The following NFIB variants were observed in gnomAD, a reference collection of about 807,000 sequenced individuals.
NFIB encodes nuclear factor 1 B-type.
NFIB carries 11 observed loss-of-function variants against 61.5 expected under a neutral mutation model. The ratio of observed to expected loss-of-function variants is 0.18; its 90% confidence interval spans 0.11 to 0.30. The LOEUF (loss-of-function observed/expected upper bound fraction) is 0.30, where lower values mean the gene tolerates loss of function less well. Among genes scored for constraint, NFIB ranks in the 10% least tolerant of loss-of-function variants. The probability of loss-of-function intolerance (pLI) is 1.00; values close to 1 mark genes in which losing one functional copy is unlikely to be tolerated. For synonymous variants in NFIB, 260 were observed against 216.5 expected (o/e 1.20, Z -1.76); for missense variants, 471 against 608.9 (o/e 0.77, Z 2.38).
chr9:14,292,274 A>T (rs1247277393), intron 2 of NFIB, among the ~76,000 whole-genome samples: 7 of 152,174 alleles, frequency 4.6e-5, no homozygotes, highest in Non-Finnish European at 8.8e-5. Context: ...GAAGATCTGT[A>T]GGGATTTTCC....
At chr9:14,195,816 T>C (rs2131589555) in intron 2 of NFIB, among the ~76,000 whole-genome samples, 1 of 152,252 alleles carries the variant, frequency 6.6e-6, no homozygotes, top group Non-Finnish European at 1.5e-5. Context: ...ACAATGACAT[T>C]GCAAACATAG....
At chr9:14,517,962 T>C in the NFIB span, among the ~76,000 whole-genome samples, 1 of 152,198 alleles carries the variant, frequency 6.6e-6, no homozygotes, top group Non-Finnish European at 1.5e-5. Context: ...CAGGCAATAC[T>C]GCAGCAACAA....
the NFIB span, among the ~76,000 whole-genome samples, chr9:14,409,058 T>C: frequency 6.6e-6 from 1 of 152,158 alleles, no homozygotes; most frequent in African/African-American, 2.4e-5. Flanking sequence ...TGGTACATGT[T>C]TAAAAACTGG....
Position 14,155,830 on chromosome 9 carries a change from G to A in NFIB, c.680C>T (p.Ser227Phe), listed in dbSNP as rs1435559969. The A allele has an allele frequency of 6.4e-7, 1 of 1,570,120 alleles. No homozygotes were observed. The highest frequency in any genetic ancestry group is 1.8e-5 in the Admixed American group (1 of 54,310). Residue 227 changes from serine (S) to phenylalanine (F), a missense_variant, in exon 4 of 11, where the codon TCC becomes TTC. Around this residue, in one of 2 missense-constraint regions of NFIB, gnomAD observed 372 missense variants for 395.6 expected, o/e 0.94. Transcript: ENST00000380953. ...TAACAAAACAATTTACTTACTTCTG[G>A]ATACTCTTACAAGTTCTGATACATT... ...VFNVSELVRV[S>F]RTPITQGTGV...
the NFIB span, among the ~76,000 whole-genome samples, chr9:14,458,512 G>A: frequency 1.3e-5 from 2 of 152,130 alleles, no homozygotes; most frequent in Non-Finnish European, 2.9e-5. Flanking sequence ...GGAAGTTCTG[G>A]CCAGGGCAAT....
chr9:14,420,714 C>T, the NFIB span, among the ~76,000 whole-genome samples: 2 of 152,142 alleles, frequency 1.3e-5, no homozygotes, highest in African/African-American at 2.4e-5. Flanking sequence ...TAATTAACAC[C>T]AGAGAAATCA....
chr9:14,444,690 T>C, the NFIB span, among the ~76,000 whole-genome samples: 1 of 152,218 alleles, frequency 6.6e-6, no homozygotes, highest in Non-Finnish European at 1.5e-5. Context: ...AATTTTGTCC[T>C]TATCCCCGTT....
chr9:14,295,441 A>G (rs2059373418), intron 2 of NFIB, among the ~76,000 whole-genome samples: 1 of 151,994 alleles, frequency 6.6e-6, no homozygotes, highest in African/African-American at 2.4e-5. Flanking sequence ...CCTGGCTAAC[A>G]CTGTGAAACC....
intron 10 of NFIB, among the ~76,000 whole-genome samples, chr9:14,100,659 A>T (rs1178734922): frequency 6.6e-6 from 1 of 152,370 alleles, no homozygotes; most frequent in South Asian, 2.1e-4. Flanking sequence ...GCTTGCAGTG[A>T]GCCGAGATTG....
chr9:14,261,619 G>A (rs2056763662), intron 2 of NFIB, among the ~76,000 whole-genome samples: 1 of 152,196 alleles, frequency 6.6e-6, no homozygotes, highest in Non-Finnish European at 1.5e-5. Context: ...ATGGGGTACA[G>A]ATGCTTATAT....
At chr9:14,199,320 T>C (rs1248364379) in intron 2 of NFIB, among the ~76,000 whole-genome samples, 1 of 152,276 alleles carries the variant, frequency 6.6e-6, no homozygotes, top group East Asian at 1.9e-4. Flanking sequence ...CAGGCAGTAG[T>C]GCGGCAGGGT....
the NFIB span, among the ~76,000 whole-genome samples, chr9:14,504,182 C>T: frequency 1.6e-4 from 24 of 152,134 alleles, 1 homozygote; most frequent in Admixed American, 1.6e-3. Flanking sequence ...TTCCGTTGGT[C>T]TATGTGCCTA....
At chr9:14,322,152 CCA>C in intron 1 of NFIB, 7 of 1,206,724 alleles carry the variant, frequency 5.8e-6, no homozygotes, top group Non-Finnish European at 7.2e-6. Flanking sequence ...TTCTGCACTG[CCA>C]CAGTTCTTGG....
At chr9:14,461,482 AG>A in the NFIB span, among the ~76,000 whole-genome samples, 1 of 152,236 alleles carries the variant, frequency 6.6e-6, no homozygotes, top group Non-Finnish European at 1.5e-5. Context: ...AGCAGCAGGC[AG>A]GAGTCCTTCT....
At position 14,332,320 on chromosome 9, in the gene NFIB, G is replaced by A. The variant is rs1453041380; in HGVS notation, c.109-24800C>T. On this transcript the variant is annotated intron_variant, in intron 1 of 8. Coordinates refer to the NFIB transcript ENST00000380934. Reference sequence around the variant, plus strand: ...TGCACTCCAGCCTGGGCAACAGAGCGAGACTCCGTCAAAAAAAAAAAAAAA... The same window carrying A: ...TGCACTCCAGCCTGGGCAACAGAGCAAGACTCCGTCAAAAAAAAAAAAAAA... 1.5e-4 allele frequency among the ~76,000 whole-genome samples: 17 copies of A among 114,086 alleles called. No individual in the cohort carries two copies. The Admixed American group carries it at 1.7e-3, about 11-fold the overall frequency. 74.8% of individuals were successfully genotyped at this position (114,086 alleles called of 152,430 possible).
Position 14,125,716 on chromosome 9 carries a change from A to T in NFIB, c.976T>A (p.Ser326Thr). The T allele has an allele frequency of 6.2e-7, 1 of 1,614,160 alleles. No homozygotes were observed. Among genetic ancestry groups the T allele is most frequent in the Non-Finnish European group, 8.5e-7 (1 of 1,180,000 alleles). The part of the protein sequence containing the change: ...MKKPEKPLFS[S>T]ASPQDSSPRL... ...GGGGAAGAATCCTGTGGAGATGCAG[A>T]GCTGAACAATGGCTTTTCAGGCTTC... Residue 326 changes from serine to threonine, a missense_variant, in exon 7 of 11, where the codon TCT (serine) becomes ACT (threonine). This residue lies in a region of NFIB where 372 missense variants were observed against 395.6 expected (regional missense o/e 0.94). Coordinates refer to ENST00000380953, the MANE Select transcript of NFIB (RefSeq NM_001190737.2).
chr9:14,239,749 A>G (rs1259522839), intron 2 of NFIB, among the ~76,000 whole-genome samples: 2 of 152,180 alleles, frequency 1.3e-5, no homozygotes, highest in African/African-American at 4.8e-5. Flanking sequence ...TCTATCTACA[A>G]AAAGTACAAA....
At chr9:14,477,757 G>A in the NFIB span, among the ~76,000 whole-genome samples, 173 of 152,282 alleles carry the variant, frequency 1.1e-3, no homozygotes, top group African/African-American at 3.9e-3. Flanking sequence ...AGTGGAGAAC[G>A]TATTCAGAAG....
At chr9:14,267,858 C>T (rs535796129) in intron 2 of NFIB, among the ~76,000 whole-genome samples, 2 of 152,224 alleles carry the variant, frequency 1.3e-5, no homozygotes, top group South Asian at 2.1e-4. Flanking sequence ...CAGGGCTGGG[C>T]GCAGTGGCTC....
Sources: allele counts gnomAD v4.1 joint callset (sites outside exome capture counted in the v4.1 genomes callset), GRCh38; gene constraint gnomAD v4.1.1; regional missense constraint gnomAD v4.1.1; transcripts MANE v1.5; gene names NCBI Gene and HGNC (gene_info 2026-07-23, HGNC 2026-07-21).